Variants in C10orf67 observed in about 807,000 individuals in gnomAD.
C10orf67 encodes the protein chromosome 10 open reading frame 67, also known as uncharacterized protein C10orf67, mitochondrial.
C10orf67 carries 60 observed loss-of-function variants against 35.6 expected under a neutral mutation model. The ratio of observed to expected loss-of-function variants is 1.68; its 90% confidence interval spans 1.37 to 2.09. C10orf67 has a LOEUF of 2.09. C10orf67 is among the 30% of genes most tolerant of loss of function. The pLI is 0.00. For missense variants in C10orf67, 474 were observed against 330.2 expected, an observed-to-expected ratio of 1.44 and a Z score of -3.38; for synonymous variants, 167 against 115.8, an observed-to-expected ratio of 1.44 and a Z score of -2.84.
rs905223455 is a variant in C10orf67, at chr10:23,204,078, G to A, written c.*95C>T. 1.1e-5 allele frequency: 5 copies of A among 445,374 alleles called. No homozygotes were observed. Among genetic ancestry groups the A allele is most frequent in the African/African-American group, 2.0e-5 (1 of 49,092 alleles). The allele number at this position is 445,374 out of a possible 1,614,324, so 27.6% of individuals were successfully genotyped here. A position where few individuals can be genotyped will look rare whatever the true frequency, so the allele number is the denominator to read the frequency against. ...TAAACAATTAGTTTAGAAAATCCTTGGAGATAGTATCCTTTCCGAGGGAGG... is the reference window on the plus strand; with the variant it reads ...TAAACAATTAGTTTAGAAAATCCTTAGAGATAGTATCCTTTCCGAGGGAGG... On this transcript the variant is annotated 3_prime_UTR_variant, in exon 16 of 16. Coordinates refer to ENST00000636213, the MANE Select transcript of C10orf67 (RefSeq NM_001371909.1).
At position 23,273,824 on chromosome 10, in the gene C10orf67, A is replaced by G. The variant is rs1266648946; in HGVS notation, c.976-6570T>C. ...CTTTTGGAGGCAAACTACCACACAC[A>G]GTAAATATTGTTGGAAAACTTGAAC... On this transcript the variant is annotated intron_variant, in intron 8 of 15. Coordinates refer to ENST00000636213, the MANE Select transcript of C10orf67 (RefSeq NM_001371909.1). 2.6e-5 allele frequency among the ~76,000 whole-genome samples: 4 copies of G among 152,230 alleles called. No individual in the cohort carries two copies. The South Asian group carries it at 8.3e-4, about 32-fold the overall frequency.
At chr10:23,316,472 C>T (rs144533706) in intron 4 of C10orf67, among the ~76,000 whole-genome samples, 112 of 152,296 alleles carry the variant, frequency 7.4e-4, no homozygotes, top group African/African-American at 2.2e-3. Context: ...GTGTGGTGAG[C>T]GAGGGGTGTG....
intron 5 of C10orf67, among the ~76,000 whole-genome samples, chr10:23,298,163 G>C (rs886921781): frequency 3.3e-5 from 5 of 152,160 alleles, no homozygotes; most frequent in Non-Finnish European, 5.9e-5. Flanking sequence ...GCTGAGGCAG[G>C]AGGATGGCAT....
chr10:23,272,263 CTT>C (rs1326689347), intron 8 of C10orf67, among the ~76,000 whole-genome samples: 1 of 152,168 alleles, frequency 6.6e-6, no homozygotes, highest in African/African-American at 2.4e-5. Context: ...TTTAAGAAAT[CTT>C]TGCCAAATCT....
chr10:23,321,512 C>T (rs1442265932), intron 3 of C10orf67, among the ~76,000 whole-genome samples: 1 of 152,096 alleles, frequency 6.6e-6, no homozygotes, highest in Non-Finnish European at 1.5e-5. Context: ...GCCTCCCAGC[C>T]TCAAATAGGC....
chr10:23,243,252 G>A (rs930642956), intron 12 of C10orf67, among the ~76,000 whole-genome samples: 2 of 152,092 alleles, frequency 1.3e-5, no homozygotes, highest in African/African-American at 4.8e-5. Context: ...TATAATCATG[G>A]TAGAAAATTT....
downstream of C10orf67, chr10:23,201,978 C>A (rs1221122970): frequency 6.6e-6 from 1 of 152,160 alleles, no homozygotes; most frequent in Non-Finnish European, 1.5e-5. Context: ...ATTCAACTAA[C>A]TTTTATTTAC....
At chr10:23,260,654 C>T (rs56035800) in intron 10 of C10orf67, among the ~76,000 whole-genome samples, 27,199 of 152,096 alleles carry the variant, frequency 0.18, 3,081 homozygotes, top group Non-Finnish European at 0.26. Context: ...AGTGGCTTTC[C>T]TGGGAGCTCA....
chr10:23,277,085 TA>T (rs1843212188), intron 8 of C10orf67, among the ~76,000 whole-genome samples: 1 of 152,156 alleles, frequency 6.6e-6, no homozygotes, highest in Non-Finnish European at 1.5e-5. Context: ...CTGTGAGGCC[TA>T]AATTATTCTC....
At chr10:23,238,999 A>G (rs1343272769) in intron 13 of C10orf67, among the ~76,000 whole-genome samples, 1 of 152,194 alleles carries the variant, frequency 6.6e-6, no homozygotes, top group East Asian at 1.9e-4. Flanking sequence ...AAAAAATTTC[A>G]GAAAGAAGAT....
chr10:23,332,248 C>T lies in C10orf67; in HGVS notation c.327+814G>A, dbSNP rs112866494. On this transcript the variant is annotated intron_variant, in intron 2 of 15. Transcript: ENST00000636213. ...GGAAACTCTATGTGTCAATATAGAA[C>T]GACTTCCAAGTGTAAAAACAAAATC... 3.1e-3 allele frequency among the ~76,000 whole-genome samples: 478 copies of T among 152,228 alleles called. 2 individuals are homozygous for T. Among genetic ancestry groups the T allele is most frequent in the African/African-American group, 0.011 (449 of 41,540 alleles).
At chr10:23,309,433 T>G (rs1844414873) in intron 4 of C10orf67, among the ~76,000 whole-genome samples, 3 of 152,114 alleles carry the variant, frequency 2.0e-5, no homozygotes, top group Admixed American at 6.5e-5. Context: ...TATTACCTAT[T>G]GAATACAATG....
chr10:23,309,081 C>T (rs1364988536), intron 4 of C10orf67, among the ~76,000 whole-genome samples: 4 of 152,070 alleles, frequency 2.6e-5, no homozygotes, highest in Non-Finnish European at 4.4e-5. Context: ...GATACCTGCG[C>T]TTATATGTTT....
chr10:23,264,389 G>T (rs370503689), intron 10 of C10orf67, among the ~76,000 whole-genome samples: 1 of 152,104 alleles, frequency 6.6e-6, no homozygotes, highest in South Asian at 2.1e-4. Flanking sequence ...CCCCTCCCCC[G>T]GTCCAATTTT....
chr10:23,281,222 G>C (rs781509815), intron 8 of C10orf67, among the ~76,000 whole-genome samples: 1 of 152,112 alleles, frequency 6.6e-6, no homozygotes, highest in African/African-American at 2.4e-5. Context: ...CAAAACACAG[G>C]GTGCTGAGAG....
At chr10:23,267,952 T>A (rs893261607) in intron 8 of C10orf67, among the ~76,000 whole-genome samples, 14 of 152,074 alleles carry the variant, frequency 9.2e-5, no homozygotes, top group Admixed American at 5.9e-4. Flanking sequence ...ATAATTTAAT[T>A]GTTGAACTTC....
intron 8 of C10orf67, among the ~76,000 whole-genome samples, chr10:23,276,599 C>G (rs917592616): frequency 6.6e-6 from 1 of 152,096 alleles, no homozygotes; most frequent in African/African-American, 2.4e-5. Flanking sequence ...TGTGTCCTGT[C>G]TGTTAATTTT....
chr10:23,258,445 A>T (rs903162968), intron 10 of C10orf67: 10 of 168,092 alleles, frequency 5.9e-5, no homozygotes, highest in African/African-American at 2.4e-4. Context: ...GGGACAGACT[A>T]GGTTGTTCCA....
At chr10:23,311,091 C>G (rs1373438119) in intron 4 of C10orf67, among the ~76,000 whole-genome samples, 1 of 152,044 alleles carries the variant, frequency 6.6e-6, no homozygotes, top group Non-Finnish European at 1.5e-5. Context: ...CTTGGCTTCC[C>G]AAGGCACTGG....
Sources: allele counts gnomAD v4.1 joint callset (sites outside exome capture counted in the v4.1 genomes callset), GRCh38; gene constraint gnomAD v4.1.1; transcripts MANE v1.5; gene names NCBI Gene and HGNC (gene_info 2026-07-23, HGNC 2026-07-21).